ADAM9: variants seen among roughly 807,000 people sequenced by gnomAD.
ADAM9 encodes disintegrin and metalloproteinase domain-containing protein 9.
A neutral mutation model predicts 108.1 loss-of-function variants in ADAM9; 54 were observed. The ratio of observed to expected loss-of-function variants is 0.50; its 90% CI spans 0.40 to 0.63. ADAM9 has a LOEUF of 0.63. Among genes scored for constraint, ADAM9 ranks in the 20% least tolerant of loss-of-function variants. The pLI, the probability that ADAM9 is intolerant of heterozygous loss-of-function variation, is 0.00. For missense variants in ADAM9, 830 were observed against 997.7 expected, an observed-to-expected ratio of 0.83 and a Z score of 2.26; for synonymous variants, 316 against 336.0, an observed-to-expected ratio of 0.94 and a Z score of 0.65.
At chr8:39,077,151 A>C in intron 15 of ADAM9, 77 bp from the exon 16 acceptor site, 4 of 1,485,044 alleles carry the variant, frequency 2.7e-6, no homozygotes, top group Non-Finnish European at 2.8e-6. Flanking sequence ...CTCTGTCCAT[A>C]TGCAAATATA....
At chr8:39,024,780 G>A (rs1208614577) in intron 9 of ADAM9, among the ~76,000 whole-genome samples, 1 of 152,200 alleles carries the variant, frequency 6.6e-6, no homozygotes, top group African/African-American at 2.4e-5. Flanking sequence ...TGATAAATAA[G>A]TACATGTAGT....
intron 2 of ADAM9, among the ~76,000 whole-genome samples, chr8:39,008,354 A>T (rs907623874): frequency 2.0e-5 from 3 of 151,958 alleles, no homozygotes. Flanking sequence ...GGTATTTTTC[A>T]GTAGAGACAG....
chr8:39,104,361 C>T lies in ADAM9; in HGVS notation c.*661C>T, dbSNP rs972208290. 4.4e-6 allele frequency: 2 copies of T among 451,476 alleles called. No homozygotes were observed. Among genetic ancestry groups the T allele is most frequent in the Admixed American group, 4.7e-5 (2 of 42,538 alleles). 28.0% of individuals were successfully genotyped at this position (451,476 alleles called of 1,614,324 possible). ...ACTCGCTTCCATTTTTATGACCTTT[C>T]AACTATAGGTAATAACTCTTAGAGA... On this transcript the variant is annotated 3_prime_UTR_variant, in exon 22 of 22. Coordinates refer to ENST00000487273, the MANE Select transcript of ADAM9 (RefSeq NM_003816.3).
At chr8:39,047,017 C>T (rs994045358) in intron 12 of ADAM9, among the ~76,000 whole-genome samples, 13 of 152,326 alleles carry the variant, frequency 8.5e-5, no homozygotes, top group South Asian at 2.1e-4. Context: ...AGTCTGCCTG[C>T]GTAAGACGCC....
chr8:39,102,842 T>G (rs755347973), intron 21 of ADAM9, among the ~76,000 whole-genome samples: 61 of 152,206 alleles, frequency 4.0e-4, no homozygotes, highest in Non-Finnish European at 3.1e-4. Context: ...GGGCTTAAAA[T>G]CATCAGGAAG....
At chr8:39,044,945 T>G (rs36186728) in intron 12 of ADAM9, among the ~76,000 whole-genome samples, 6,250 of 104,196 alleles carry the variant, frequency 0.06, 41 homozygotes, top group South Asian at 0.083. Context: ...CACATACCTA[T>G]GTATGTGTAT....
At chr8:39,040,769 A>G (rs58971487) in intron 11 of ADAM9, among the ~76,000 whole-genome samples, 3,719 of 152,246 alleles carry the variant, frequency 0.024, 175 homozygotes, top group African/African-American at 0.085. Flanking sequence ...GATGGAACGG[A>G]ATAGAGAGCC....
chr8:39,049,853 T>G (rs1219202707), intron 12 of ADAM9, among the ~76,000 whole-genome samples: 1 of 152,228 alleles, frequency 6.6e-6, no homozygotes, highest in African/African-American at 2.4e-5. Flanking sequence ...TTATTCTTAC[T>G]AATTAATTTT....
At chr8:39,016,479 A>C (rs923467506) in intron 5 of ADAM9, among the ~76,000 whole-genome samples, 1 of 152,174 alleles carries the variant, frequency 6.6e-6, no homozygotes, top group Non-Finnish European at 1.5e-5. Flanking sequence ...GTAGCACTTT[A>C]TATTTATAAA....
intron 15 of ADAM9, among the ~76,000 whole-genome samples, 153 bp downstream of exon 15, chr8:39,071,556 T>A (rs957160107): frequency 6.9e-6 from 1 of 144,930 alleles, no homozygotes; most frequent in African/African-American, 2.6e-5. Flanking sequence ...ACCCTCCGCC[T>A]CCCAGGTTCA....
In ADAM9 at chr8:39,090,057, T is replaced by G; in HGVS notation, c.2079T>G (p.Thr693=). The change falls in exon 19 of 22, where the codon ACT becomes ACG. Residue 693 remains threonine, a synonymous_variant. Transcript: ENST00000487273. ...AATTCTTCTCTCTAGAAATGAATAC[T>G]GCATTGAGGGACGGACTTCTGGTCT... is the stretch of plus-strand genomic sequence containing the variant. ...DSGPTYNEMN[T]ALRDGLLVFF... 6.2e-7 allele frequency: 1 copy of G among 1,613,958 alleles called. No homozygotes were observed. Among genetic ancestry groups the G allele is most frequent in the African/African-American group, 1.3e-5 (1 of 75,028 alleles).
intron 20 of ADAM9, among the ~76,000 whole-genome samples, chr8:39,097,069 CATTT>C (rs1426057693): frequency 1.3e-5 from 2 of 151,962 alleles, no homozygotes; most frequent in African/African-American, 4.8e-5. Flanking sequence ...TATTATTTGT[CATTT>C]ATTATTGGGA....
In ADAM9 at chr8:39,104,494, A is replaced by C. The variant is rs940161750; in HGVS notation, c.*794A>C. 2.6e-6 allele frequency: 1 copy of C among 382,948 alleles called. No homozygotes were observed. Among genetic ancestry groups the C allele is most frequent in the South Asian group, 2.0e-5 (1 of 49,516 alleles). The allele number at this position is 382,948 out of a possible 1,614,324, so 23.7% of individuals were successfully genotyped here. Reference sequence around the variant, plus strand: ...ATAAGCTTTAAGGTACGAAGTATTTAATAGATCTAATCAAATATGTTGATT... The same window carrying C: ...ATAAGCTTTAAGGTACGAAGTATTTCATAGATCTAATCAAATATGTTGATT... On this transcript the variant is annotated 3_prime_UTR_variant, in exon 22 of 22. Transcript: ENST00000487273.
chr8:39,063,400 G>GT (rs1482276963), intron 14 of ADAM9, among the ~76,000 whole-genome samples: 1 of 152,208 alleles, frequency 6.6e-6, no homozygotes, highest in African/African-American at 2.4e-5. Context: ...CCCCTCAGAT[G>GT]TTGGAGACGC....
intron 20 of ADAM9, 77 bp from the exon 21 acceptor site, chr8:39,101,786 T>C (rs1839702475): frequency 1.8e-6 from 2 of 1,135,334 alleles, no homozygotes; most frequent in Non-Finnish European, 2.6e-6. Flanking sequence ...TGATTTTAAA[T>C]ATGTAGATTT....
chr8:39,105,155 A>G lies in ADAM9; in HGVS notation c.*1455A>G, dbSNP rs985716536. The G allele has an allele frequency of 5.1e-5, 22 of 430,598 alleles. No homozygotes were observed. Among genetic ancestry groups the G allele is most frequent in the African/African-American group, 3.9e-4 (19 of 48,716 alleles). 26.7% of individuals were successfully genotyped at this position (430,598 alleles called of 1,614,324 possible). A position where few individuals can be genotyped will look rare whatever the true frequency, so the allele number is the denominator to read the frequency against. On this transcript the variant is annotated 3_prime_UTR_variant, in exon 22 of 22. Coordinates refer to ENST00000487273, the MANE Select transcript of ADAM9 (RefSeq NM_003816.3). ...AAGTGTGCACAATGGCTTTTTGTTA[A>G]TAAAGAACAGATTAGTTTTGAAGAA...
intron 11 of ADAM9, among the ~76,000 whole-genome samples, chr8:39,037,467 T>TTC (rs1837321911): frequency 6.8e-6 from 1 of 147,076 alleles, no homozygotes; most frequent in African/African-American, 2.5e-5. Context: ...TGTTTTTTTT[T>TTC]TTTTTTTGGA....
At chr8:39,059,452 C>A (rs1451049203) in intron 14 of ADAM9, among the ~76,000 whole-genome samples, 2 of 152,292 alleles carry the variant, frequency 1.3e-5, no homozygotes, top group Non-Finnish European at 1.5e-5. Flanking sequence ...GAGAGGAAGT[C>A]CATGATGCTG....
At chr8:39,085,389 A>C (rs1332302197) in intron 18 of ADAM9, among the ~76,000 whole-genome samples, 1 of 152,192 alleles carries the variant, frequency 6.6e-6, no homozygotes. Flanking sequence ...TAATGGTAGA[A>C]AAAGTCTTTA....
Sources: gnomAD v4.1 joint callset for allele counts (sites outside exome capture counted in the v4.1 genomes callset) on GRCh38, gnomAD v4.1.1 for gene constraint, MANE v1.5 for transcripts, NCBI Gene and HGNC (gene_info 2026-07-23, HGNC 2026-07-21) for gene names.